Variants in SDE2 observed in about 807,000 individuals in gnomAD.
SDE2 encodes the protein splicing regulator SDE2.
SDE2 carries 31 observed loss-of-function variants against 46.9 expected under a neutral mutation model. The observed-to-expected ratio is 0.66, with a 90% CI of 0.50 to 0.89. The LOEUF (loss-of-function observed/expected upper bound fraction) is 0.89. SDE2 is among the 40% of genes least tolerant of loss of function. The pLI is 0.00. For synonymous variants in SDE2, 205 were observed against 204.3 expected (o/e 1.00, Z -0.03); for missense variants, 542 against 564.4 (o/e 0.96, Z 0.40).
rs1656199794 is a variant in SDE2 at position 225,983,403 on chromosome 1, C to T, written c.*1899G>A. Reference sequence around the variant, plus strand: ...TTTAAGAAATAGACAATTCCACAATCATAATTGAAGATTTTAACATCCTTT... The same window carrying T: ...TTTAAGAAATAGACAATTCCACAATTATAATTGAAGATTTTAACATCCTTT... On this transcript the variant is annotated 3_prime_UTR_variant, in exon 7 of 7. Coordinates refer to ENST00000272091, the MANE Select transcript of SDE2 (RefSeq NM_152608.4). The T allele has an allele frequency of 6.6e-6, 1 of 152,148 alleles. No individual in the cohort carries two copies. The highest frequency in any genetic ancestry group is 2.4e-5 in the African/African-American group (1 of 41,430). 9.4% of individuals were successfully genotyped at this position (152,148 alleles called of 1,614,324 possible).
intron 5 of SDE2, among the ~76,000 whole-genome samples, chr1:225,989,902 T>C (rs931001191): frequency 1.3e-5 from 2 of 151,706 alleles, no homozygotes; most frequent in African/African-American, 4.8e-5. Context: ...GGCAAAACCC[T>C]GTCTTCACAA....
intron 4 of SDE2, among the ~76,000 whole-genome samples, chr1:225,992,131 A>G (rs1319626260): frequency 6.6e-6 from 1 of 151,776 alleles, no homozygotes; most frequent in African/African-American, 2.4e-5. Context: ...GTGAGCCGAG[A>G]TCACACCACT....
intron 5 of SDE2, among the ~76,000 whole-genome samples, chr1:225,989,502 G>A (rs377295443): frequency 1.3e-5 from 2 of 151,594 alleles, no homozygotes; most frequent in South Asian, 2.1e-4. Flanking sequence ...GGTGGCACAT[G>A]GCTGTAGTTC....
Position 225,982,779 on chromosome 1 carries a change from T to C in SDE2, c.*2523A>G, listed in dbSNP as rs371688054. On this transcript the variant is annotated 3_prime_UTR_variant, in exon 7 of 7. Coordinates refer to ENST00000272091, the MANE Select transcript of SDE2 (RefSeq NM_152608.4). ...ACATATCATTATTTAAAGCAGAAAT[T>C]GTAACTTATGACAGGACTTACAATA... 2.0e-5 allele frequency: 3 copies of C among 152,246 alleles called. No homozygotes were observed. The East Asian group carries it at 5.8e-4, about 29-fold the overall frequency. The allele number at this position is 152,246 out of a possible 1,614,324, so 9.4% of individuals were successfully genotyped here.
At chr1:225,997,890 T>A (rs971525180) in intron 1 of SDE2, among the ~76,000 whole-genome samples, 1 of 151,998 alleles carries the variant, frequency 6.6e-6, no homozygotes, top group Non-Finnish European at 1.5e-5. Context: ...CAGCACTTTG[T>A]GAGGCTGAGG....
chr1:225,994,335 C>A (rs1656472046), intron 2 of SDE2, among the ~76,000 whole-genome samples: 1 of 152,224 alleles, frequency 6.6e-6, no homozygotes, highest in Non-Finnish European at 1.5e-5. Flanking sequence ...CTTGGCCTCC[C>A]AAAGTGCTGG....
At position 225,991,295 on chromosome 1, in the gene SDE2, T is replaced by G; in HGVS notation, c.589A>C (p.Thr197Pro). The change falls in exon 5 of 7, where the codon ACT becomes CCT. Residue 197 changes from threonine (T) to proline (P), a missense_variant. Thr to Pro is a conservative substitution (Grantham distance 38). Transcript: ENST00000272091. ...GCTCCTCTGTCTGTTTGAGATTTAG[T>G]AGGCCATTGCCGTTTCCGATTCTCA... ...ISENRKRQWPTKSQTDRGASA... is the reference protein window; with the variant it reads ...ISENRKRQWPPKSQTDRGASA... 1 of 1,613,882 alleles carries G rather than the reference T, an allele frequency of 6.2e-7. No homozygotes were observed. Among genetic ancestry groups the G allele is most frequent in the Non-Finnish European group, 8.5e-7 (1 of 1,179,760 alleles).
In SDE2 at chr1:225,982,759, T is replaced by C. The variant is rs1156763545; in HGVS notation, c.*2543A>G. 1 of 152,082 alleles carries C rather than the reference T, an allele frequency of 6.6e-6. No individual in the cohort carries two copies. The highest frequency in any genetic ancestry group is 1.5e-5 in the Non-Finnish European group (1 of 68,014). 9.4% of individuals were successfully genotyped at this position (152,082 alleles called of 1,614,324 possible). ...CCTCTTAATTTCTTTAAAATACATA[T>C]CATTATTTAAAGCAGAAATTGTAAC... On this transcript the variant is annotated 3_prime_UTR_variant, in exon 7 of 7. Transcript: ENST00000272091.
chr1:225,989,706 C>T (rs1656351204), intron 5 of SDE2, among the ~76,000 whole-genome samples: 1 of 151,480 alleles, frequency 6.6e-6, no homozygotes, highest in African/African-American at 2.4e-5. Flanking sequence ...TAAAGAAAAT[C>T]CTAGGAACAA....
At chr1:225,995,036 A>G (rs911759179) in intron 2 of SDE2, among the ~76,000 whole-genome samples, 1 of 152,170 alleles carries the variant, frequency 6.6e-6, no homozygotes, top group African/African-American at 2.4e-5. Context: ...AAAACAAGGC[A>G]GTGTCTCAAA....
chr1:225,985,763 C>A (rs556923946), intron 6 of SDE2, among the ~76,000 whole-genome samples: 1 of 152,188 alleles, frequency 6.6e-6, no homozygotes, highest in East Asian at 1.9e-4. Context: ...TATAGCATTC[C>A]CAAACAGATT....
intron 1 of SDE2, among the ~76,000 whole-genome samples, chr1:225,996,234 A>G (rs1483508793): frequency 6.6e-6 from 1 of 152,212 alleles, no homozygotes; most frequent in Non-Finnish European, 1.5e-5. Context: ...ATGAACGACT[A>G]TTCTTGTCTT....
At chr1:225,997,892 A>ATCC (rs1360073511) in intron 1 of SDE2, among the ~76,000 whole-genome samples, 1 of 152,012 alleles carries the variant, frequency 6.6e-6, no homozygotes, top group Non-Finnish European at 1.5e-5. Flanking sequence ...GCACTTTGTG[A>ATCC]GGCTGAGGTG....
rs771053978 is a variant in SDE2 at position 225,988,160 on chromosome 1, C to T, written c.870G>A (p.Gly290=). 6.2e-7 allele frequency: 1 copy of T among 1,614,182 alleles called. No individual in the cohort carries two copies. The highest frequency in any genetic ancestry group is 2.2e-5 in the East Asian group (1 of 44,880). Residue 290 remains glycine (G), a synonymous_variant, in exon 6 of 7, where the codon GGG becomes GGA. Coordinates refer to ENST00000272091, the MANE Select transcript of SDE2 (RefSeq NM_152608.4). ...EQLQIPVTDS[G]RHILEDSCAE... ...CACATGAGTCTTCTAAAATATGCCT[C>T]CCAGAGTCAGTCACCGGGATCTGCA...
At position 225,995,912 on chromosome 1, in the gene SDE2, A is replaced by AG. The variant is rs141869070; in HGVS notation, c.121-530dup. Among the ~76,000 whole-genome samples the AG allele has an allele frequency of 7.0e-3, 1,059 of 152,322 alleles. 19 individuals are homozygous for AG. The highest frequency in any genetic ancestry group is 0.024 in the African/African-American group (1,004 of 41,574). On this transcript the variant is annotated intron_variant, in intron 1 of 6. Coordinates refer to ENST00000272091, the MANE Select transcript of SDE2 (RefSeq NM_152608.4). ...AAAAATGAGCAAAGTTGCTGAAGATAGCCTAAGATGCTGGGCAGCCCCAGA... is the reference window on the plus strand; with the variant it reads ...AAAAATGAGCAAAGTTGCTGAAGATAGGCCTAAGATGCTGGGCAGCCCCAGA...
intron 1 of SDE2, among the ~76,000 whole-genome samples, chr1:225,998,076 C>G (rs1474569865): frequency 2.0e-5 from 3 of 151,256 alleles, no homozygotes; most frequent in African/African-American, 4.9e-5. Context: ...TGCAGTGGGC[C>G]GAGATCACGC....
In SDE2 at chr1:225,999,257, G is replaced by C; in HGVS notation, c.56C>G (p.Ala19Gly). ...GCACCGACCCGAGGCACACCGCACC[G>C]CCTTGCACCCGAAGCCAGGGCCGCG... Reference protein sequence around the residue: ...WIRGPGFGCKAVRCASGRCTV... With the variant: ...WIRGPGFGCKGVRCASGRCTV... Residue 19 changes from alanine (A) to glycine (G), a missense_variant, in exon 1 of 7, where the codon GCG (alanine) becomes GGG (glycine). This residue lies in a region of SDE2 where 135 missense variants were observed against 106.5 expected (regional missense o/e 1.27). Coordinates refer to ENST00000272091, the MANE Select transcript of SDE2 (RefSeq NM_152608.4). 6.2e-7 allele frequency: 1 copy of C among 1,613,260 alleles called. No homozygotes were observed. The highest frequency in any genetic ancestry group is 8.5e-7 in the Non-Finnish European group (1 of 1,179,766).
Position 225,988,252 on chromosome 1 carries a change from C to G in SDE2, c.778G>C (p.Ala260Pro). 6.2e-7 allele frequency: 1 copy of G among 1,614,234 alleles called. No homozygotes were observed. The highest frequency in any genetic ancestry group is 8.5e-7 in the Non-Finnish European group (1 of 1,180,042). ...KIGSNGVEMA[A>P]KFPSGSQRAR... ...CTCTGAGAACCACTGGGAAATTTGG[C>G]TGCCATCTCGACACCATTGCTACCA... The change falls in exon 6 of 7, where the codon GCC becomes CCC. Residue 260 changes from alanine to proline, a missense_variant. Coordinates refer to ENST00000272091, the MANE Select transcript of SDE2 (RefSeq NM_152608.4).
At chr1:225,994,698 T>C (rs1158522342) in intron 2 of SDE2, among the ~76,000 whole-genome samples, 1 of 152,200 alleles carries the variant, frequency 6.6e-6, no homozygotes, top group Non-Finnish European at 1.5e-5. Flanking sequence ...AAAAAAACTC[T>C]TTATTCAGCA....
Sources: gnomAD v4.1 joint callset for allele counts (sites outside exome capture counted in the v4.1 genomes callset) on GRCh38, gnomAD v4.1.1 for gene constraint, gnomAD v4.1.1 regional missense constraint, MANE v1.5 for transcripts, NCBI Gene and HGNC (gene_info 2026-07-23, HGNC 2026-07-21) for gene names.